Variants in TDRD7 observed in about 807,000 individuals in gnomAD.
The protein encoded by TDRD7 is tudor domain containing 7, also known as tudor domain-containing protein 7.
Under a neutral mutation model 109.8 loss-of-function variants are expected in TDRD7, and 47 were observed. The observed-to-expected ratio is 0.43, with a 90% confidence interval of 0.34 to 0.55. The LOEUF (loss-of-function observed/expected upper bound fraction) is 0.55. Among genes scored for constraint, TDRD7 ranks in the 20% least tolerant of loss-of-function variants. The probability of loss-of-function intolerance (pLI) is 0.03; values close to 1 mark genes in which losing one functional copy is unlikely to be tolerated. For missense variants in TDRD7, 1,164 were observed against 1,319.2 expected (o/e 0.88, Z 1.82); for synonymous variants, 424 against 457.3 (o/e 0.93, Z 0.93).
chr9:97,472,561 T>C (rs1587886954), intron 10 of TDRD7, 66 bp downstream of exon 10: 1 of 1,301,376 alleles, frequency 7.7e-7, no homozygotes, highest in East Asian at 2.3e-5. Flanking sequence ...ACCAGAATAT[T>C]ATACATTTTA....
At chr9:97,495,138 C>T (rs1176780226) in intron 16 of TDRD7, among the ~76,000 whole-genome samples, 5 of 152,170 alleles carry the variant, frequency 3.3e-5, no homozygotes, top group African/African-American at 4.8e-5. Flanking sequence ...CCTAAGACCA[C>T]ACCACCCGAT....
At chr9:97,481,641 G>A (rs1279416081) in intron 14 of TDRD7, among the ~76,000 whole-genome samples, 1 of 152,128 alleles carries the variant, frequency 6.6e-6, no homozygotes, top group Non-Finnish European at 1.5e-5. Flanking sequence ...GTATTCCTCT[G>A]GGGTTTATAG....
intron 10 of TDRD7, among the ~76,000 whole-genome samples, chr9:97,473,196 A>G (rs1049990021): frequency 6.6e-6 from 1 of 152,198 alleles, no homozygotes; most frequent in Non-Finnish European, 1.5e-5. Context: ...TGGGGAGAAA[A>G]TAAACCAACA....
chr9:97,415,283 A>G (rs1056004254), intron 1 of TDRD7, among the ~76,000 whole-genome samples: 5 of 152,352 alleles, frequency 3.3e-5, no homozygotes, highest in South Asian at 2.1e-4. Context: ...AAGGCATAGG[A>G]TGGAAGCCAG....
At chr9:97,417,215 A>C (rs924140858) in intron 1 of TDRD7, among the ~76,000 whole-genome samples, 3 of 152,174 alleles carry the variant, frequency 2.0e-5, no homozygotes, top group Non-Finnish European at 4.4e-5. Flanking sequence ...GGGTGAATGA[A>C]AATAAAGAGA....
chr9:97,457,357 G>GACACAC (rs554868896), intron 6 of TDRD7, among the ~76,000 whole-genome samples: 5 of 151,016 alleles, frequency 3.3e-5, no homozygotes, highest in South Asian at 2.1e-4. Context: ...CTACTATAAA[G>GACACAC]ACACACACAC....
intron 6 of TDRD7, among the ~76,000 whole-genome samples, chr9:97,453,797 CAAAG>C (rs1364914352): frequency 2.0e-5 from 3 of 152,000 alleles, no homozygotes; most frequent in Non-Finnish European, 2.9e-5. Flanking sequence ...TAAAAAAAGA[CAAAG>C]AAGGGCATTA....
At chr9:97,449,242 C>A (rs1255089249) in intron 6 of TDRD7, among the ~76,000 whole-genome samples, 2 of 152,146 alleles carry the variant, frequency 1.3e-5, no homozygotes, top group African/African-American at 4.8e-5. Flanking sequence ...GGCGTTTTCC[C>A]CAGAAACCAA....
intron 1 of TDRD7, among the ~76,000 whole-genome samples, chr9:97,423,873 A>G (rs1827940071): frequency 6.6e-6 from 1 of 152,070 alleles, no homozygotes; most frequent in Admixed American, 6.6e-5. Flanking sequence ...TATACTTTTT[A>G]TAATATGAGT....
intron 6 of TDRD7, among the ~76,000 whole-genome samples, chr9:97,449,124 T>G (rs1309564601): frequency 6.6e-6 from 1 of 152,162 alleles, no homozygotes; most frequent in African/African-American, 2.4e-5. Context: ...CTGAAGAAAT[T>G]CATATTTTAA....
intron 12 of TDRD7, 72 bp from the exon 13 acceptor site, chr9:97,478,367 A>C: frequency 1.3e-6 from 2 of 1,576,626 alleles, no homozygotes; most frequent in South Asian, 2.2e-5. Context: ...GATTGTACAA[A>C]ATGTAATTGC....
intron 6 of TDRD7, among the ~76,000 whole-genome samples, chr9:97,459,322 G>T (rs1451696231): frequency 6.6e-6 from 1 of 152,104 alleles, no homozygotes; most frequent in Non-Finnish European, 1.5e-5. Flanking sequence ...TATAATTTTT[G>T]CAAGTTATGA....
At position 97,487,440 on chromosome 9, in the gene TDRD7, G is replaced by GA; in HGVS notation, c.3076+108_3076+109insA. 5 of 1,510,392 alleles carry GA rather than the reference G, an allele frequency of 3.3e-6. No individual in the cohort carries two copies. In the South Asian group the frequency reaches 5.7e-5, roughly 17 times the overall value. 93.6% of individuals were successfully genotyped at this position (1,510,392 alleles called of 1,614,324 possible). On this transcript the variant is annotated intron_variant, in intron 16 of 16. Coordinates refer to ENST00000355295, the MANE Select transcript of TDRD7 (RefSeq NM_014290.3). ...TTGGCCTCTTGAGTTTAGGTATGTT[G>GA]GGTTTTTGTTTTTTTGTGCTAATAA...
intron 16 of TDRD7, among the ~76,000 whole-genome samples, chr9:97,491,050 G>C (rs1000012591): frequency 6.6e-6 from 1 of 151,378 alleles, no homozygotes. Context: ...TGAGTAGCTA[G>C]GACTACAGGC....
At chr9:97,445,203 T>C (rs1274525609) in intron 6 of TDRD7, among the ~76,000 whole-genome samples, 1 of 152,170 alleles carries the variant, frequency 6.6e-6, no homozygotes, top group Non-Finnish European at 1.5e-5. Flanking sequence ...AGAGTTCCCA[T>C]TGGGTCCTAG....
At chr9:97,423,649 CAT>C (rs1367137569) in intron 1 of TDRD7, among the ~76,000 whole-genome samples, 4 of 152,096 alleles carry the variant, frequency 2.6e-5, no homozygotes, top group Non-Finnish European at 5.9e-5. Context: ...CTAACAGAAA[CAT>C]AATGCTATAA....
chr9:97,429,623 T>G lies in TDRD7; in HGVS notation c.207+951T>G, dbSNP rs554900070. Among the ~76,000 whole-genome samples the G allele has an allele frequency of 7.9e-5, 12 of 152,330 alleles. No homozygotes were observed. In the South Asian group the frequency reaches 2.1e-3, roughly 26 times the overall value. On this transcript the variant is annotated intron_variant, in intron 2 of 16. Transcript: ENST00000355295. ...TCCTAAGGAGAAGATATAAATTAATTAAATGTTATATGAATAATAAAATAT... is the reference window on the plus strand; with the variant it reads ...TCCTAAGGAGAAGATATAAATTAATGAAATGTTATATGAATAATAAAATAT...
chr9:97,438,070 G>A (rs1828235582), intron 4 of TDRD7, among the ~76,000 whole-genome samples: 1 of 152,062 alleles, frequency 6.6e-6, no homozygotes, highest in African/African-American at 2.4e-5. Flanking sequence ...AGCCTTCGAT[G>A]CTTGTTTAAA....
chr9:97,466,793 G>A (rs1250997818), intron 8 of TDRD7, among the ~76,000 whole-genome samples: 1 of 152,186 alleles, frequency 6.6e-6, no homozygotes. Flanking sequence ...GACAGGAGGT[G>A]GAGGGGGGCT....
Sources: allele counts gnomAD v4.1 joint callset (sites outside exome capture counted in the v4.1 genomes callset), GRCh38; gene constraint gnomAD v4.1.1; transcripts MANE v1.5; gene names NCBI Gene and HGNC (gene_info 2026-07-23, HGNC 2026-07-21).